Variants in WFDC10B observed in about 807,000 individuals in gnomAD.
The protein encoded by WFDC10B is WAP four-disulfide core domain 10B.
Under a neutral mutation model 2.7 loss-of-function variants are expected in WFDC10B, and 1 was observed. The ratio of observed to expected loss-of-function variants is 0.38; its 90% CI spans 0.13 to 1.79. The LOEUF is 1.79. Ranked by LOEUF, WFDC10B falls within the 40% of genes most tolerant of loss-of-function variation. The pLI is 0.33. For synonymous variants in WFDC10B, 26 were observed against 32.2 expected, an observed-to-expected ratio of 0.81 and a Z score of 0.65; for missense variants, 71 against 87.8, an observed-to-expected ratio of 0.81 and a Z score of 0.76.
chr20:45,688,836 T>A (rs1568670284), intron 2 of WFDC10B, among the ~76,000 whole-genome samples: 3 of 152,334 alleles, frequency 2.0e-5, no homozygotes, highest in East Asian at 3.9e-4. Flanking sequence ...CAGAAGCTCT[T>A]TAGTTTAATT....
intron 2 of WFDC10B, among the ~76,000 whole-genome samples, chr20:45,695,312 G>T (rs1385618998): frequency 6.6e-6 from 1 of 152,164 alleles, no homozygotes; most frequent in Non-Finnish European, 1.5e-5. Flanking sequence ...GGTGTCCAGA[G>T]ATAGGAGAAT....
intron 1 of WFDC10B, 60 bp from the exon 2 acceptor site, chr20:45,704,621 G>A (rs1479511146): frequency 5.0e-6 from 8 of 1,611,068 alleles, no homozygotes; most frequent in African/African-American, 1.3e-5. Flanking sequence ...ATCCAGGTCT[G>A]ATCCTAGAGC....
At chr20:45,691,440 T>TAA in intron 2 of WFDC10B, among the ~76,000 whole-genome samples, 1 of 150,610 alleles carries the variant, frequency 6.6e-6, no homozygotes, top group South Asian at 2.2e-4. Flanking sequence ...AGTGGGGTGT[T>TAA]AAAGTCTCCC....
intron 2 of WFDC10B, chr20:45,702,211 A>G: frequency 5.6e-6 from 9 of 1,611,286 alleles, no homozygotes; most frequent in Non-Finnish European, 7.6e-6. Flanking sequence ...GCGTGTTCTG[A>G]GTAGGTGCTG....
chr20:45,695,263 TTAGTGTCA>T (rs1311612862), intron 2 of WFDC10B, among the ~76,000 whole-genome samples: 1 of 152,126 alleles, frequency 6.6e-6, no homozygotes, highest in Non-Finnish European at 1.5e-5. Context: ...CTTCAAGTAG[TTAGTGTCA>T]GAATTAAATT....
At position 45,692,415 on chromosome 20, in the gene WFDC10B, A is replaced by G. The variant is rs1016106417; in HGVS notation, c.-64-6359T>C. Among the ~76,000 whole-genome samples, 22 of 152,206 alleles carry G rather than the reference A, an allele frequency of 1.4e-4. No individual in the cohort carries two copies. In the East Asian group the frequency reaches 4.2e-3, roughly 29 times the overall value. On this transcript the variant is annotated intron_variant, in intron 2 of 3. Coordinates refer to ENST00000330523, the MANE Select transcript of WFDC10B (RefSeq NM_172006.2). ...TAGATTGGGGAAGTTCTCCTGGATAATAACCTGCAGAGTGTTTTCCAACTT... is the reference window on the plus strand; with the variant it reads ...TAGATTGGGGAAGTTCTCCTGGATAGTAACCTGCAGAGTGTTTTCCAACTT...
intron 2 of WFDC10B, among the ~76,000 whole-genome samples, chr20:45,695,550 T>G (rs1384268557): frequency 6.6e-6 from 1 of 152,068 alleles, no homozygotes; most frequent in African/African-American, 2.4e-5. Context: ...AAGATTGAAA[T>G]TATACAAACT....
At chr20:45,699,443 C>T (rs375744106) in intron 2 of WFDC10B, among the ~76,000 whole-genome samples, 22 of 152,130 alleles carry the variant, frequency 1.4e-4, no homozygotes, top group African/African-American at 4.8e-4. Flanking sequence ...GAGTATTATT[C>T]ACCCATAAAA....
At position 45,684,807 on chromosome 20, in the gene WFDC10B, C is replaced by T; in HGVS notation, c.*23G>A. ...ATGGAAGGGTTCAGGGAGCAGGATGCACATCCCAGCCCACTCTCCCACTCA... is the reference window on the plus strand; with the variant it reads ...ATGGAAGGGTTCAGGGAGCAGGATGTACATCCCAGCCCACTCTCCCACTCA... On this transcript the variant is annotated 3_prime_UTR_variant, in exon 4 of 4. Coordinates refer to ENST00000330523, the MANE Select transcript of WFDC10B (RefSeq NM_172006.2). The T allele has an allele frequency of 1.9e-6, 3 of 1,611,308 alleles. No individual in the cohort carries two copies. Among genetic ancestry groups the T allele is most frequent in the Non-Finnish European group, 2.5e-6 (3 of 1,178,366 alleles).
At chr20:45,704,016 G>C (rs1181864403) in intron 2 of WFDC10B, among the ~76,000 whole-genome samples, 1 of 152,148 alleles carries the variant, frequency 6.6e-6, no homozygotes, top group Non-Finnish European at 1.5e-5. Context: ...CCCATGTTAG[G>C]TTAACCCCAG....
At chr20:45,691,817 G>A (rs1036435540) in intron 2 of WFDC10B, among the ~76,000 whole-genome samples, 1 of 152,084 alleles carries the variant, frequency 6.6e-6, no homozygotes, top group Non-Finnish European at 1.5e-5. Flanking sequence ...TCTTTTAATT[G>A]GAGCATTTAG....
intron 2 of WFDC10B, among the ~76,000 whole-genome samples, chr20:45,696,925 A>G (rs2045098451): frequency 6.6e-6 from 1 of 152,188 alleles, no homozygotes; most frequent in Non-Finnish European, 1.5e-5. Flanking sequence ...CCACCCTTCT[A>G]TAATTAAAAA....
intron 2 of WFDC10B, among the ~76,000 whole-genome samples, chr20:45,692,109 T>A (rs933410101): frequency 3.9e-5 from 6 of 152,228 alleles, no homozygotes; most frequent in African/African-American, 1.2e-4. Context: ...TTAGTTTGGC[T>A]GGATATGAAA....
intron 2 of WFDC10B, 86 bp downstream of exon 2, chr20:45,704,411 T>C (rs1198715522): frequency 6.3e-7 from 1 of 1,594,826 alleles, no homozygotes; most frequent in Non-Finnish European, 8.5e-7. Flanking sequence ...AGCCTGTTGG[T>C]GAGGCCCTTC....
At chr20:45,704,313 T>C in intron 2 of WFDC10B, 184 bp downstream of exon 2, 1 of 1,258,320 alleles carries the variant, frequency 7.9e-7, no homozygotes, top group Non-Finnish European at 1.1e-6. Flanking sequence ...CAAAACCTGA[T>C]GCCACCACCC....
chr20:45,704,546 CCTT>C lies in WFDC10B; in HGVS notation c.-117_-115del. 4.3e-6 allele frequency: 7 copies of C among 1,614,198 alleles called. No homozygotes were observed. The highest frequency in any genetic ancestry group is 5.9e-6 in the Non-Finnish European group (7 of 1,180,044). ...GAGAAAGGATTTCAGTGCTGTTCCT[CCTT>C]CTGTGGGATAGTCTGTTCATCAGAA... On this transcript the variant is annotated 5_prime_UTR_variant, in exon 2 of 4. Transcript: ENST00000330523.
chr20:45,685,878 C>A, intron 3 of WFDC10B, 24 bp downstream of exon 3: 1 of 1,612,690 alleles, frequency 6.2e-7, no homozygotes, highest in Non-Finnish European at 8.5e-7. Context: ...CTCTCCATCA[C>A]CCATCCAGCA....
At chr20:45,700,698 T>G (rs1465939769) in intron 2 of WFDC10B, among the ~76,000 whole-genome samples, 2 of 152,228 alleles carry the variant, frequency 1.3e-5, no homozygotes, top group African/African-American at 4.8e-5. Context: ...AGGGTACTTA[T>G]GAGAAACCTA....
intron 2 of WFDC10B, among the ~76,000 whole-genome samples, chr20:45,689,088 T>A (rs1275059483): frequency 2.0e-5 from 3 of 148,640 alleles, no homozygotes; most frequent in African/African-American, 7.5e-5. Flanking sequence ...CACCATTTAT[T>A]AAATAGGGAA....
Sources: gnomAD v4.1 joint callset for allele counts (sites outside exome capture counted in the v4.1 genomes callset) on GRCh38, gnomAD v4.1.1 for gene constraint, MANE v1.5 for transcripts, NCBI Gene and HGNC (gene_info 2026-07-23, HGNC 2026-07-21) for gene names.